The following SHROOM4 variants were observed in gnomAD, a reference collection of about 807,000 sequenced individuals.
The protein encoded by SHROOM4 is shroom family member 4.
A neutral mutation model predicts 80.3 loss-of-function variants in SHROOM4; 17 were observed. The ratio of observed to expected loss-of-function variants is 0.21; its 90% CI spans 0.14 to 0.32. The LOEUF is 0.32. SHROOM4 is among the 10% of genes least tolerant of loss of function. The pLI is 1.00. For synonymous variants in SHROOM4, 400 were observed against 437.5 expected (o/e 0.91, Z 1.07); for missense variants, 993 against 1,140.3 (o/e 0.87, Z 1.86).
chrX:50,698,746 T>G, intron 1 of SHROOM4, among the ~76,000 whole-genome samples: 1 of 111,212 alleles, frequency 9.0e-6, no homozygotes, highest in Middle Eastern at 4.6e-3. Context: ...CTCAGCCACA[T>G]ATTTGTTTAT....
intron 2 of SHROOM4, among the ~76,000 whole-genome samples, chrX:50,647,254 C>T (rs1557258064): frequency 8.9e-6 from 1 of 111,751 alleles, no homozygotes; most frequent in African/African-American, 3.3e-5. Context: ...ATCAATGATC[C>T]TAAAGGCAAA....
At chrX:50,755,937 T>A (rs1424953430) in intron 1 of SHROOM4, among the ~76,000 whole-genome samples, 1 of 111,876 alleles carries the variant, frequency 8.9e-6, no homozygotes, top group Non-Finnish European at 1.9e-5. Context: ...GGTGGAGATG[T>A]TCTTTATAAA....
At chrX:50,742,417 C>T (rs1356129419) in intron 1 of SHROOM4, among the ~76,000 whole-genome samples, 1 of 110,204 alleles carries the variant, frequency 9.1e-6, no homozygotes, top group Admixed American at 9.7e-5. Flanking sequence ...TAGTTTTTTC[C>T]TCATGTTCTT....
chrX:50,591,892 T>G lies in SHROOM4; in HGVS notation c.*4803A>C, dbSNP rs940124759. The G allele has an allele frequency of 3.1e-6, 1 of 321,361 alleles. No individual in the cohort carries two copies. Among genetic ancestry groups the G allele is most frequent in the Non-Finnish European group, 6.0e-6 (1 of 165,352 alleles). 26.5% of individuals were successfully genotyped at this position (321,361 alleles called of 1,213,427 possible). On this transcript the variant is annotated 3_prime_UTR_variant, in exon 9 of 9. Coordinates refer to ENST00000376020, the MANE Select transcript of SHROOM4 (RefSeq NM_020717.5). Reference sequence around the variant, plus strand: ...GCCACCACACCTGGCTAATTTTTTGTATTTTTAGTAGAGATAGGGTTTCAC... The same window carrying G: ...GCCACCACACCTGGCTAATTTTTTGGATTTTTAGTAGAGATAGGGTTTCAC...
At chrX:50,762,640 T>A (rs1461492985) in intron 1 of SHROOM4, among the ~76,000 whole-genome samples, 1 of 111,950 alleles carries the variant, frequency 8.9e-6, no homozygotes, top group Non-Finnish European at 1.9e-5. Flanking sequence ...TGCCTATAGT[T>A]CTGAAAGGTA....
Position 50,591,953 on chromosome X carries a change from G to A in SHROOM4, c.*4742C>T, listed in dbSNP as rs1057452216. 24 of 327,234 alleles carry A rather than the reference G, an allele frequency of 7.3e-5. No homozygotes were observed. The highest frequency in any genetic ancestry group is 5.1e-4 in the African/African-American group (19 of 37,521). The allele number at this position is 327,234 out of a possible 1,213,427, so 27.0% of individuals were successfully genotyped here. A position where few individuals can be genotyped will look rare whatever the true frequency, so the allele number is the denominator to read the frequency against. On this transcript the variant is annotated 3_prime_UTR_variant, in exon 9 of 9. Coordinates refer to ENST00000376020, the MANE Select transcript of SHROOM4 (RefSeq NM_020717.5). The stretch of plus-strand genomic sequence containing the variant: ...AGGATGGTCTTGATCTCCTGACCTC[G>A]TGATCCACCTGCCTCGGCCTCCCAA...
chrX:50,584,906 T>C (rs374839857), downstream of SHROOM4, among the ~76,000 whole-genome samples: 13 of 111,360 alleles, frequency 1.2e-4, no homozygotes, highest in South Asian at 5.1e-3. Flanking sequence ...GAACTGGAGA[T>C]ATAAATTTGG....
At chrX:50,652,877 A>T (rs1294617207) in intron 2 of SHROOM4, among the ~76,000 whole-genome samples, 1 of 111,582 alleles carries the variant, frequency 9.0e-6, no homozygotes, top group Non-Finnish European at 1.9e-5. Flanking sequence ...AGATTGTTGT[A>T]GAGGTGTGGC....
At chrX:50,652,537 T>G (rs1189225032) in intron 2 of SHROOM4, among the ~76,000 whole-genome samples, 2 of 112,075 alleles carry the variant, frequency 1.8e-5, no homozygotes, top group Admixed American at 9.5e-5. Context: ...TTCACTCTGA[T>G]GATAGTTTCT....
At chrX:50,598,935 T>C (rs1352190604) in intron 7 of SHROOM4, among the ~76,000 whole-genome samples, 1 of 111,194 alleles carries the variant, frequency 9.0e-6, no homozygotes, top group East Asian at 2.8e-4. Flanking sequence ...AAGCGAGTCT[T>C]GCGTCTCGGC....
chrX:50,624,498 C>T (rs1444271474), intron 5 of SHROOM4, among the ~76,000 whole-genome samples: 4 of 111,521 alleles, frequency 3.6e-5, no homozygotes, highest in African/African-American at 1.3e-4. Flanking sequence ...ACAACATATC[C>T]CAATTCAAAC....
intron 1 of SHROOM4, among the ~76,000 whole-genome samples, chrX:50,773,841 C>G (rs1189787457): frequency 2.7e-5 from 3 of 112,556 alleles, no homozygotes; most frequent in Non-Finnish European, 5.6e-5. Context: ...AAGGCACTTT[C>G]TTTTTGGCAA....
chrX:50,729,447 T>C (rs1466345339), intron 1 of SHROOM4, among the ~76,000 whole-genome samples: 2 of 111,028 alleles, frequency 1.8e-5, no homozygotes, highest in Non-Finnish European at 3.8e-5. Flanking sequence ...GAATAGAGAT[T>C]ATACAAAATG....
intron 7 of SHROOM4, among the ~76,000 whole-genome samples, chrX:50,602,354 A>C (rs1024346531): frequency 9.0e-6 from 1 of 111,674 alleles, no homozygotes; most frequent in African/African-American, 3.3e-5. Flanking sequence ...GGCCTCCCAA[A>C]GTGCTGGGAT....
At chrX:50,751,387 C>T (rs886736279) in intron 1 of SHROOM4, among the ~76,000 whole-genome samples, 3 of 112,176 alleles carry the variant, frequency 2.7e-5, no homozygotes, top group Non-Finnish European at 3.8e-5. Context: ...CTTCACCTAC[C>T]AGTAGAACTC....
At chrX:50,577,472 G>A in the SHROOM4 span, among the ~76,000 whole-genome samples, 4 of 112,266 alleles carry the variant, frequency 3.6e-5, no homozygotes, top group Non-Finnish European at 7.5e-5. Flanking sequence ...GAATGGGAGA[G>A]GGAACTGACA....
intron 1 of SHROOM4, among the ~76,000 whole-genome samples, chrX:50,721,250 A>G (rs1421459427): frequency 2.7e-5 from 3 of 112,419 alleles, no homozygotes; most frequent in Non-Finnish European, 5.6e-5. Flanking sequence ...CTTGCACAAG[A>G]AAGAATTCAG....
chrX:50,747,560 C>T (rs782764833), intron 1 of SHROOM4, among the ~76,000 whole-genome samples: 1 of 112,043 alleles, frequency 8.9e-6, no homozygotes, highest in Non-Finnish European at 1.9e-5. Flanking sequence ...AACTCTAACT[C>T]AGTTATGCTG....
At chrX:50,754,361 T>C (rs1327217916) in intron 1 of SHROOM4, among the ~76,000 whole-genome samples, 3 of 112,175 alleles carry the variant, frequency 2.7e-5, no homozygotes, top group Non-Finnish European at 5.6e-5. Context: ...CTATAGACAA[T>C]GGGAATATAA....
Sources: allele counts gnomAD v4.1 joint callset (sites outside exome capture counted in the v4.1 genomes callset), GRCh38; gene constraint gnomAD v4.1.1; transcripts MANE v1.5; gene names NCBI Gene and HGNC (gene_info 2026-07-23, HGNC 2026-07-21).